The following EPHB1 variants were observed in gnomAD, a reference collection of about 807,000 sequenced individuals.
EPHB1 encodes ephrin type-B receptor 1.
In EPHB1, 30 loss-of-function variants were observed where a neutral mutation model predicts 94.4. The observed-to-expected ratio is 0.32, with a 90% CI of 0.24 to 0.43. The LOEUF (loss-of-function observed/expected upper bound fraction) is 0.43, where lower values mean the gene tolerates loss of function less well. Ranked by LOEUF, EPHB1 falls within the 20% of genes least tolerant of loss-of-function variation. EPHB1 has a pLI of 1.00. For missense variants in EPHB1, 1,055 were observed against 1,308.3 expected (o/e 0.81, Z 2.99); for synonymous variants, 522 against 489.1 (o/e 1.07, Z -0.89).
At chr3:134,824,276 G>A (rs62272412) in intron 1 of EPHB1, among the ~76,000 whole-genome samples, 1 of 151,868 alleles carries the variant, frequency 6.6e-6, no homozygotes, top group Non-Finnish European at 1.5e-5. Flanking sequence ...CCAGTCGGGG[G>A]TGAAGTACTG....
At chr3:135,091,621 T>G (rs1326859392) in intron 3 of EPHB1, among the ~76,000 whole-genome samples, 1 of 152,190 alleles carries the variant, frequency 6.6e-6, no homozygotes, top group Non-Finnish European at 1.5e-5. Context: ...CACCAAACTC[T>G]GGGGTGAGGA....
intron 1 of EPHB1, among the ~76,000 whole-genome samples, chr3:134,825,457 T>C (rs6802089): frequency 0.56 from 85,691 of 152,186 alleles, 27,504 homozygotes; most frequent in East Asian, 0.79. Context: ...TCTAAGCCTA[T>C]AAAAATGCCA....
chr3:134,938,641 GA>G (rs766308344), intron 2 of EPHB1, among the ~76,000 whole-genome samples: 126 of 152,212 alleles, frequency 8.3e-4, no homozygotes, highest in Admixed American at 4.1e-3. Flanking sequence ...GGAATTCCAA[GA>G]AAAAAATAAC....
At chr3:135,104,333 T>C (rs1407798558) in intron 3 of EPHB1, among the ~76,000 whole-genome samples, 1 of 152,224 alleles carries the variant, frequency 6.6e-6, no homozygotes, top group Non-Finnish European at 1.5e-5. Context: ...CTGGGAAAGA[T>C]GGATTAGTAA....
At chr3:135,079,086 C>CAAA (rs138343375) in intron 3 of EPHB1, among the ~76,000 whole-genome samples, 24 of 135,228 alleles carry the variant, frequency 1.8e-4, no homozygotes, top group African/African-American at 6.3e-4. Context: ...TAAAAACAAG[C>CAAA]AAAAAAAAAA....
chr3:135,119,873 C>T (rs1364336842), intron 4 of EPHB1, among the ~76,000 whole-genome samples: 1 of 152,106 alleles, frequency 6.6e-6, no homozygotes, highest in African/African-American at 2.4e-5. Context: ...AAATAACATC[C>T]CATGAGCTCC....
chr3:135,144,771 C>T (rs1280775486), intron 5 of EPHB1, among the ~76,000 whole-genome samples: 2 of 152,132 alleles, frequency 1.3e-5, no homozygotes, highest in Non-Finnish European at 1.5e-5. Flanking sequence ...GAAGCCCTCA[C>T]TTTTTATCCC....
chr3:135,250,443 C>G (rs917004077), intron 15 of EPHB1, among the ~76,000 whole-genome samples: 2 of 152,088 alleles, frequency 1.3e-5, no homozygotes, highest in African/African-American at 4.8e-5. Flanking sequence ...CACCCCAGGG[C>G]CTCAGTGGTT....
chr3:135,167,596 G>A (rs1038440853), intron 9 of EPHB1, among the ~76,000 whole-genome samples: 18 of 151,948 alleles, frequency 1.2e-4, no homozygotes, highest in African/African-American at 4.4e-4. Flanking sequence ...TTTCACCAAG[G>A]TGCAACATAA....
intron 11 of EPHB1, among the ~76,000 whole-genome samples, chr3:135,196,542 T>A (rs902373342): frequency 2.6e-5 from 4 of 152,178 alleles, no homozygotes; most frequent in Non-Finnish European, 5.9e-5. Context: ...TCAGCCTTAC[T>A]ACCGAACCCT....
intron 4 of EPHB1, among the ~76,000 whole-genome samples, chr3:135,108,970 G>A (rs1939333818): frequency 6.6e-6 from 1 of 152,318 alleles, no homozygotes; most frequent in African/African-American, 2.4e-5. Context: ...CTGACAGTAA[G>A]GGGAGGGGGT....
intron 3 of EPHB1, among the ~76,000 whole-genome samples, chr3:135,101,514 C>T (rs572105746): frequency 1.3e-5 from 2 of 152,176 alleles, no homozygotes; most frequent in Admixed American, 1.3e-4. Context: ...GCTGGGATTA[C>T]AGGCACATGC....
At chr3:135,184,530 C>A (rs935994504) in intron 10 of EPHB1, among the ~76,000 whole-genome samples, 4 of 152,158 alleles carry the variant, frequency 2.6e-5, no homozygotes, top group Non-Finnish European at 5.9e-5. Flanking sequence ...TGGTCTGGTA[C>A]CTGGCCTAGT....
intron 1 of EPHB1, among the ~76,000 whole-genome samples, chr3:134,825,406 C>T (rs1356882586): frequency 1.3e-5 from 2 of 152,172 alleles, no homozygotes; most frequent in African/African-American, 2.4e-5. Flanking sequence ...GCCAAGCATC[C>T]CAGCAATTGA....
In EPHB1 at chr3:135,092,237, G is replaced by T. The variant is rs373866769; in HGVS notation, c.806-14211G>T. Among the ~76,000 whole-genome samples, 287 of 152,242 alleles carry T rather than the reference G, an allele frequency of 1.9e-3. 4 individuals are homozygous for T. Among genetic ancestry groups the T allele is most frequent in the African/African-American group, 6.7e-3 (279 of 41,536 alleles). ...TGGGGATTCCCCTGTCCTTGTTGAT[G>T]CTGCAGAGACCTAGGCCTAGCACCC... On this transcript the variant is annotated intron_variant, in intron 3 of 15. Coordinates refer to ENST00000398015, the MANE Select transcript of EPHB1 (RefSeq NM_004441.5).
At chr3:135,197,440 G>A (rs903407609) in intron 11 of EPHB1, among the ~76,000 whole-genome samples, 16 of 152,326 alleles carry the variant, frequency 1.1e-4, no homozygotes, top group African/African-American at 3.6e-4. Context: ...GAGTCACCCT[G>A]TGGCCTGGAG....
chr3:135,027,808 C>A, intron 3 of EPHB1, among the ~76,000 whole-genome samples: 1 of 128,722 alleles, frequency 7.8e-6, no homozygotes, highest in East Asian at 4.8e-4. Context: ...GGTACCAGTT[C>A]CTCCTTGTAC....
intron 3 of EPHB1, among the ~76,000 whole-genome samples, chr3:135,006,686 A>G (rs1369471654): frequency 1.3e-5 from 2 of 152,186 alleles, no homozygotes; most frequent in African/African-American, 4.8e-5. Flanking sequence ...GAATGAGAGG[A>G]GAATGCTGCA....
At chr3:135,041,456 C>T (rs902502826) in intron 3 of EPHB1, among the ~76,000 whole-genome samples, 1 of 152,164 alleles carries the variant, frequency 6.6e-6, no homozygotes, top group African/African-American at 2.4e-5. Flanking sequence ...ATTCCAACTA[C>T]ACTTGTGCAA....
Sources: gnomAD v4.1 joint callset for allele counts (sites outside exome capture counted in the v4.1 genomes callset) on GRCh38, gnomAD v4.1.1 for gene constraint, MANE v1.5 for transcripts, NCBI Gene and HGNC (gene_info 2026-07-23, HGNC 2026-07-21) for gene names.